The following ANKRD30A variants were observed in gnomAD, a reference collection of about 807,000 sequenced individuals.
ANKRD30A encodes the protein ankyrin repeat domain 30A.
ANKRD30A carries 170 observed loss-of-function variants against 166.3 expected under a neutral mutation model. The ratio of observed to expected loss-of-function variants is 1.02; its 90% confidence interval spans 0.90 to 1.16. The LOEUF is 1.16. Ranked by LOEUF, ANKRD30A falls within the 50% of genes most tolerant of loss-of-function variation. The pLI is 0.00. For synonymous variants in ANKRD30A, 564 were observed against 508.9 expected (o/e 1.11, Z -1.46); for missense variants, 1,630 against 1,518.0 (o/e 1.07, Z -1.23).
At chr10:37,165,028 A>G (rs1293591436) in intron 17 of ANKRD30A, 66 bp from the exon 18 acceptor site, 18 of 1,467,914 alleles carry the variant, frequency 1.2e-5, no homozygotes, top group African/African-American at 4.2e-5. Flanking sequence ...GTAGATTTGT[A>G]TATGTTTTTA....
chr10:37,205,375 C>G (rs1032298319), intron 31 of ANKRD30A, among the ~76,000 whole-genome samples: 1 of 150,346 alleles, frequency 6.7e-6, no homozygotes, highest in Non-Finnish European at 1.5e-5. Context: ...CACATGTTCT[C>G]ACCCATAGGT....
chr10:37,128,886 A>G (rs1836214472), intron 1 of ANKRD30A, among the ~76,000 whole-genome samples: 1 of 152,162 alleles, frequency 6.6e-6, no homozygotes, highest in African/African-American at 2.4e-5. Flanking sequence ...TTGGAAATTT[A>G]TAATAGCTTT....
At chr10:37,220,015 A>AT (rs1564589536) in intron 34 of ANKRD30A, 118 bp downstream of exon 34, 3 of 172,162 alleles carry the variant, frequency 1.7e-5, no homozygotes, top group Non-Finnish European at 3.3e-5. Flanking sequence ...ATATATATAT[A>AT]TATATATATA....
chr10:37,243,421 G>T, the ANKRD30A span, among the ~76,000 whole-genome samples: 1 of 151,820 alleles, frequency 6.6e-6, no homozygotes, highest in Non-Finnish European at 1.5e-5. Flanking sequence ...TGGGATTACA[G>T]GCGTGAGCTA....
Position 37,158,537 on chromosome 10 carries a change from T to C in ANKRD30A, c.1851T>C (p.Ser617=), listed in dbSNP as rs749509533. 6 of 1,613,614 alleles carry C rather than the reference T, an allele frequency of 3.7e-6. No individual in the cohort carries two copies. Among genetic ancestry groups the C allele is most frequent in the Middle Eastern group, 3.3e-4 (2 of 6,052 alleles). Residue 617 remains serine, a synonymous_variant, in exon 15 of 36, where the codon TCT becomes TCC. Coordinates refer to ENST00000361713, the MANE Select transcript of ANKRD30A (RefSeq NM_052997.3). The stretch of plus-strand genomic sequence containing the variant: ...AGGCTACCTGCGGAATGAAAGTTTC[T>C]ATTCCAACTAAAGCCTTAGAATTGA... ...LLKATCGMKV[S]IPTKALELKD...
At chr10:37,261,734 C>T in the ANKRD30A span, 4 of 152,122 alleles carry the variant, frequency 2.6e-5, no homozygotes, top group East Asian at 5.8e-4. Flanking sequence ...ATTAGAATCA[C>T]GAGAATGGGA....
chr10:37,224,397 C>A (rs933381164), intron 34 of ANKRD30A, among the ~76,000 whole-genome samples: 2 of 150,494 alleles, frequency 1.3e-5, no homozygotes, highest in Admixed American at 6.7e-5. Context: ...TTATTTTCTA[C>A]TGGTATCTCC....
chr10:37,151,149 G>A (rs1837905183), intron 11 of ANKRD30A, among the ~76,000 whole-genome samples: 1 of 151,954 alleles, frequency 6.6e-6, no homozygotes, highest in African/African-American at 2.4e-5. Context: ...TGATGAAACG[G>A]TCTTTTAAGT....
Position 37,162,856 on chromosome 10 carries a change from T to G in ANKRD30A, c.2002+8T>G. ...AACAAACATTGAGAGCAGGTAAATT[T>G]TTCAATGTAACTATGGAAAGACCAA... On this transcript the variant is annotated splice_region_variant and intron_variant, in intron 17 of 35. Transcript: ENST00000361713. The G allele has an allele frequency of 6.2e-7, 1 of 1,612,308 alleles. No individual in the cohort carries two copies. The highest frequency in any genetic ancestry group is 8.5e-7 in the Non-Finnish European group (1 of 1,178,818).
intron 31 of ANKRD30A, among the ~76,000 whole-genome samples, chr10:37,206,203 A>AG (rs778787735): frequency 1.2e-4 from 19 of 152,180 alleles, no homozygotes; most frequent in Non-Finnish European, 2.4e-4. Context: ...ATGAAGTGGG[A>AG]GGGGGGAAGA....
At position 37,201,314 on chromosome 10, in the gene ANKRD30A, GA is replaced by G; in HGVS notation, c.2862del (p.Lys954AsnfsTer2). On this transcript the variant is annotated frameshift_variant, in exon 31 of 36. Transcript: ENST00000361713. LOFTEE classifies it high-confidence loss of function. Reference sequence around the variant, plus strand: ...CAAAAAGAAATGGATAAAATAAGTGGAAAATTAGAAGGTAAGAACCATCTTT... The same window carrying G: ...CAAAAAGAAATGGATAAAATAAGTGGAAATTAGAAGGTAAGAACCATCTTT... ...THQKEMDKIS[G>X]KLEDSTSLSK... 1 of 1,582,716 alleles carries G rather than the reference GA, an allele frequency of 6.3e-7. No individual in the cohort carries two copies. Among genetic ancestry groups the G allele is most frequent in the Non-Finnish European group, 8.6e-7 (1 of 1,166,508 alleles).
In ANKRD30A at chr10:37,228,056, C is replaced by A. The variant is rs1456382108; in HGVS notation, c.4186-3405C>A. On this transcript the variant is annotated intron_variant, in intron 34 of 35. Transcript: ENST00000361713. Reference sequence around the variant, plus strand: ...CACCATTCTCTGTAATTACTTCCCTCTGCTTAAATAGGTCAAGATGCACAG... The same window carrying A: ...CACCATTCTCTGTAATTACTTCCCTATGCTTAAATAGGTCAAGATGCACAG... Among the ~76,000 whole-genome samples, 3 of 152,012 alleles carry A rather than the reference C, an allele frequency of 2.0e-5. No individual in the cohort carries two copies. The East Asian group carries it at 5.8e-4, about 30-fold the overall frequency.
chr10:37,142,404 T>G, intron 7 of ANKRD30A, 114 bp downstream of exon 7: 318 of 874,336 alleles, frequency 3.6e-4, no homozygotes, highest in Non-Finnish European at 5.1e-4. Context: ...AAGGCGAGCT[T>G]AGGCAACACT....
rs761592957 is a variant in ANKRD30A, at chr10:37,141,703, T to C, written c.821-15T>C. ...TTAGTAGAAGGAAAATTTAACCAGATTGTGTGTTTGGCAGAAGGAACATCT... is the reference window on the plus strand; with the variant it reads ...TTAGTAGAAGGAAAATTTAACCAGACTGTGTGTTTGGCAGAAGGAACATCT... On this transcript the variant is annotated splice_polypyrimidine_tract_variant and intron_variant, in intron 6 of 35. Transcript: ENST00000361713. 9 of 1,611,200 alleles carry C rather than the reference T, an allele frequency of 5.6e-6. No individual in the cohort carries two copies. Among genetic ancestry groups the C allele is most frequent in the Non-Finnish European group, 7.6e-6 (9 of 1,179,672 alleles).
At chr10:37,141,061 A>G (rs1040898453) in intron 6 of ANKRD30A, among the ~76,000 whole-genome samples, 1 of 152,088 alleles carries the variant, frequency 6.6e-6, no homozygotes, top group Admixed American at 6.6e-5. Flanking sequence ...TTGTTATTAT[A>G]TAATTGGTCA....
At chr10:37,239,130 G>A in the ANKRD30A span, among the ~76,000 whole-genome samples, 1 of 152,050 alleles carries the variant, frequency 6.6e-6, no homozygotes, top group Non-Finnish European at 1.5e-5. Context: ...ACTTGCAATG[G>A]AGCTTGAAAT....
chr10:37,217,523 G>T (rs780692767), intron 32 of ANKRD30A, among the ~76,000 whole-genome samples, 172 bp from the exon 33 acceptor site: 4 of 150,942 alleles, frequency 2.7e-5, no homozygotes, highest in Admixed American at 6.6e-5. Context: ...TTTCAAGTAT[G>T]TATGTCATTT....
intron 15 of ANKRD30A, among the ~76,000 whole-genome samples, chr10:37,159,983 G>A (rs1436783964): frequency 7.9e-5 from 12 of 152,284 alleles, no homozygotes; most frequent in Admixed American, 2.6e-4. Context: ...ACAGGCGTGA[G>A]GCACCGTGCC....
At chr10:37,217,091 A>G (rs1328676172) in intron 32 of ANKRD30A, among the ~76,000 whole-genome samples, 1 of 151,048 alleles carries the variant, frequency 6.6e-6, no homozygotes, top group Non-Finnish European at 1.5e-5. Context: ...TCTAAAAGAG[A>G]TTTAAAATTT....
Sources: gnomAD v4.1 joint callset for allele counts (sites outside exome capture counted in the v4.1 genomes callset) on GRCh38, gnomAD v4.1.1 for gene constraint, MANE v1.5 for transcripts, NCBI Gene and HGNC (gene_info 2026-07-23, HGNC 2026-07-21) for gene names.